Variants in MAP3K3 observed in about 807,000 individuals in gnomAD.
MAP3K3 encodes the protein mitogen-activated protein kinase kinase kinase 3, also known as MAP/ERK kinase kinase 3.
In MAP3K3, 12 loss-of-function variants were observed where a neutral mutation model predicts 80.9. That is an observed-to-expected ratio of 0.15 (90% CI 0.10 to 0.24). MAP3K3 has a LOEUF of 0.24. Ranked by LOEUF, MAP3K3 falls within the 10% of genes least tolerant of loss-of-function variation. MAP3K3 has a pLI of 1.00. For synonymous variants in MAP3K3, 272 were observed against 307.1 expected, an observed-to-expected ratio of 0.89 and a Z score of 1.19; for missense variants, 596 against 834.7, an observed-to-expected ratio of 0.71 and a Z score of 3.52.
chr17:63,632,139 C>T (rs1188265872), intron 1 of MAP3K3, among the ~76,000 whole-genome samples: 1 of 152,148 alleles, frequency 6.6e-6, no homozygotes. Flanking sequence ...CGTGTCCCTT[C>T]CCTGCAATGA....
chr17:63,655,354 A>G (rs1294170054), intron 4 of MAP3K3, among the ~76,000 whole-genome samples: 2 of 152,222 alleles, frequency 1.3e-5, no homozygotes, highest in Non-Finnish European at 2.9e-5. Flanking sequence ...CTACAAATCA[A>G]TATGGGATTT....
At chr17:63,676,382 T>C (rs1248404815) in intron 6 of MAP3K3, among the ~76,000 whole-genome samples, 2 of 152,200 alleles carry the variant, frequency 1.3e-5, no homozygotes, top group African/African-American at 2.4e-5. Context: ...ATGGATATTT[T>C]ATCCCAGGGA....
At position 63,637,329 on chromosome 17, in the gene MAP3K3, A is replaced by G. The variant is rs9914098; in HGVS notation, c.126+4527A>G. ...TGCTATAAGCATGTGTATAAGGTTT[A>G]CACAGCTTTTACACAAAGGTATTGA... On this transcript the variant is annotated intron_variant, in intron 2 of 15. Coordinates refer to ENST00000361733, the MANE Select transcript of MAP3K3 (RefSeq NM_002401.5). Among the ~76,000 whole-genome samples, 1,181 of 152,316 alleles carry G rather than the reference A, an allele frequency of 7.8e-3. 12 individuals are homozygous for G. The highest frequency in any genetic ancestry group is 0.027 in the African/African-American group (1,109 of 41,568).
chr17:63,628,476 T>G (rs923044665), intron 1 of MAP3K3, among the ~76,000 whole-genome samples: 1 of 151,514 alleles, frequency 6.6e-6, no homozygotes, highest in Non-Finnish European at 1.5e-5. Context: ...TTCTCCTGCC[T>G]CAGCCTCCCG....
At position 63,695,236 on chromosome 17, in the gene MAP3K3, TATGA is replaced by T. The variant is rs2143653316; in HGVS notation, c.*1463_*1466del. 1 of 152,808 alleles carries T rather than the reference TATGA, an allele frequency of 6.5e-6. No individual in the cohort carries two copies. The highest frequency in any genetic ancestry group is 2.4e-5 in the African/African-American group (1 of 41,580). The allele number at this position is 152,808 out of a possible 1,614,324, so 9.5% of individuals were successfully genotyped here. A position where few individuals can be genotyped will look rare whatever the true frequency, so the allele number is the denominator to read the frequency against. ...TCGTTGTATGTTGACGATGCACTTT[TATGA>T]ATGTAGTTTCTATCGCTGTTTTTAG... On this transcript the variant is annotated 3_prime_UTR_variant, in exon 16 of 16. Transcript: ENST00000361733. The surrounding 1 kb of genome is among the most constrained non-coding windows in gnomAD (Gnocchi z 4.1).
At chr17:63,661,919 C>T (rs1200044977) in intron 5 of MAP3K3, among the ~76,000 whole-genome samples, 1 of 151,688 alleles carries the variant, frequency 6.6e-6, no homozygotes, top group Non-Finnish European at 1.5e-5. Context: ...CTGGCTAACA[C>T]GTGAAACCCC....
chr17:63,638,380 C>T (rs188284411), intron 2 of MAP3K3, among the ~76,000 whole-genome samples: 1 of 152,080 alleles, frequency 6.6e-6, no homozygotes, highest in Non-Finnish European at 1.5e-5. Flanking sequence ...GTAACTGAGG[C>T]CTTTTTCAGG....
intron 11 of MAP3K3, 121 bp from the exon 12 acceptor site, chr17:63,690,143 C>A: frequency 8.6e-7 from 1 of 1,161,870 alleles, no homozygotes; most frequent in Non-Finnish European, 1.2e-6. Context: ...AGATGCTCTA[C>A]TAAGAGATGA....
rs557622580 is a variant in MAP3K3 at position 63,675,519 on chromosome 17, G to T, written c.503-6247G>T. 5.3e-5 allele frequency among the ~76,000 whole-genome samples: 8 copies of T among 152,338 alleles called. No individual in the cohort carries two copies. In the South Asian group the frequency reaches 1.7e-3, roughly 32 times the overall value. On this transcript the variant is annotated intron_variant, in intron 6 of 15. Transcript: ENST00000361733. ...CTTTAAGTCAGAGTACAAAGCAAAA[G>T]AACCTACCATATCCGAGGGTGAGAG...
intron 3 of MAP3K3, among the ~76,000 whole-genome samples, chr17:63,648,707 C>T (rs994833599): frequency 1.3e-5 from 2 of 151,878 alleles, no homozygotes; most frequent in Non-Finnish European, 2.9e-5. Flanking sequence ...CCCAGCTACT[C>T]GGGAGGCTAA....
At chr17:63,627,904 A>G (rs1598056743) in intron 1 of MAP3K3, among the ~76,000 whole-genome samples, 1 of 145,556 alleles carries the variant, frequency 6.9e-6, no homozygotes. Context: ...ATTTTCTTCA[A>G]TCCTTTTTTT....
rs1312715155 is a variant in MAP3K3, at chr17:63,695,763, T to TA, written c.*1987dup. 4.6e-5 allele frequency: 7 copies of TA among 152,582 alleles called. No homozygotes were observed. The highest frequency in any genetic ancestry group is 1.0e-4 in the Non-Finnish European group (7 of 68,042). 9.5% of individuals were successfully genotyped at this position (152,582 alleles called of 1,614,324 possible). On this transcript the variant is annotated 3_prime_UTR_variant, in exon 16 of 16. Transcript: ENST00000361733. This position sits in a 1 kb window ranked among gnomAD's most constrained non-coding sequence, Gnocchi z 4.1. ...TACAGAGCTCCACCCCCTGGGGTCT[T>TA]ACCTCACTGGGAATGTGTTTTGAAA... is the stretch of plus-strand genomic sequence containing the variant.
chr17:63,685,732 C>T, intron 8 of MAP3K3, 142 bp downstream of exon 8: 1 of 666,662 alleles, frequency 1.5e-6, no homozygotes, highest in Non-Finnish European at 2.7e-6. Flanking sequence ...TCCCCAACAC[C>T]ACGAGAATGT....
At chr17:63,678,667 T>C (rs1450820589) in intron 6 of MAP3K3, among the ~76,000 whole-genome samples, 2 of 152,234 alleles carry the variant, frequency 1.3e-5, no homozygotes, top group Non-Finnish European at 2.9e-5. Context: ...TGGTGAATTC[T>C]CAAAATGTAT....
At position 63,632,706 on chromosome 17, in the gene MAP3K3, C is replaced by T; in HGVS notation, c.30C>T (p.Ile10=). 6.2e-7 allele frequency: 1 copy of T among 1,614,080 alleles called. No individual in the cohort carries two copies. The highest frequency in any genetic ancestry group is 8.5e-7 in the Non-Finnish European group (1 of 1,179,996). Residue 10 remains isoleucine (I), a synonymous_variant, in exon 2 of 16, where the codon ATC becomes ATT. Transcript: ENST00000361733. The part of the protein sequence containing the change: MDEQEALNS[I]MNDLVALQMN... ...ACGAACAGGAGGCATTGAACTCAAT[C>T]ATGAACGATCTGGTGGCCCTCCAGA...
chr17:63,625,453 C>G (rs1684710955), intron 1 of MAP3K3, among the ~76,000 whole-genome samples: 1 of 152,062 alleles, frequency 6.6e-6, no homozygotes, highest in African/African-American at 2.4e-5. Context: ...CAGTCTGAAA[C>G]TTTATATATC....
At chr17:63,680,016 C>T (rs2035298110) in intron 6 of MAP3K3, among the ~76,000 whole-genome samples, 1 of 152,168 alleles carries the variant, frequency 6.6e-6, no homozygotes, top group African/African-American at 2.4e-5. Flanking sequence ...GAGACCCTGT[C>T]TCTGAAACAA....
At chr17:63,624,091 G>T (rs1177645734) in intron 1 of MAP3K3, among the ~76,000 whole-genome samples, 3 of 152,128 alleles carry the variant, frequency 2.0e-5, no homozygotes, top group African/African-American at 7.2e-5. Flanking sequence ...TCAGAAGTGC[G>T]TGCTCTTCTG....
At chr17:63,638,074 A>G (rs555337367) in intron 2 of MAP3K3, among the ~76,000 whole-genome samples, 1 of 152,332 alleles carries the variant, frequency 6.6e-6, no homozygotes, top group East Asian at 1.9e-4. Context: ...GGTTGTTGAT[A>G]AGATGGGCTG....
Sources: gnomAD v4.1 joint callset for allele counts (sites outside exome capture counted in the v4.1 genomes callset) on GRCh38, gnomAD v4.1.1 for gene constraint, Gnocchi (gnomAD v3.1) non-coding constraint, MANE v1.5 for transcripts, NCBI Gene and HGNC (gene_info 2026-07-23, HGNC 2026-07-21) for gene names.